ARF4: variants seen among roughly 807,000 people sequenced by gnomAD.
The protein encoded by ARF4 is ARF GTPase 4.
In ARF4, 5 loss-of-function variants were observed where a neutral mutation model predicts 24.3. The observed-to-expected ratio is 0.21, with a 90% confidence interval of 0.11 to 0.43. The LOEUF (loss-of-function observed/expected upper bound fraction) is 0.43, where lower values mean the gene tolerates loss of function less well. Ranked by LOEUF, ARF4 falls within the 20% of genes least tolerant of loss-of-function variation. ARF4 has a pLI of 1.00. For missense variants in ARF4, 107 were observed against 213.0 expected (o/e 0.50, Z 3.10); for synonymous variants, 62 against 73.5 (o/e 0.84, Z 0.80).
rs1020139239 is a variant in ARF4, at chr3:57,571,366, C to G, written c.*846G>C. The G allele has an allele frequency of 1.3e-5, 2 of 152,480 alleles. No homozygotes were observed. The highest frequency in any genetic ancestry group is 2.9e-5 in the Non-Finnish European group (2 of 68,018). The allele number at this position is 152,480 out of a possible 1,614,324, so 9.4% of individuals were successfully genotyped here. A position where few individuals can be genotyped will look rare whatever the true frequency, so the allele number is the denominator to read the frequency against. On this transcript the variant is annotated 3_prime_UTR_variant, in exon 6 of 6. Coordinates refer to ENST00000303436, the MANE Select transcript of ARF4 (RefSeq NM_001660.4). ...AACTCAAAAAGAACACACACAATTACGTATTTTATCATTTTATTAGGAATA... is the reference window on the plus strand; with the variant it reads ...AACTCAAAAAGAACACACACAATTAGGTATTTTATCATTTTATTAGGAATA...
chr3:57,588,404 A>C (rs2070064716), intron 1 of ARF4, among the ~76,000 whole-genome samples: 1 of 152,202 alleles, frequency 6.6e-6, no homozygotes, highest in African/African-American at 2.4e-5. Flanking sequence ...TCTTTAAAGA[A>C]GAAAAAGTAA....
In ARF4 at chr3:57,584,254, C is replaced by T. The variant is rs140177104; in HGVS notation, c.148+130G>A. 7.4e-4 allele frequency: 712 copies of T among 956,634 alleles called. 1 individual carries two copies. Among genetic ancestry groups the T allele is most frequent in the Non-Finnish European group, 5.6e-4 (348 of 623,882 alleles). The allele number at this position is 956,634 out of a possible 1,614,324, so 59.3% of individuals were successfully genotyped here. On this transcript the variant is annotated intron_variant, in intron 2 of 5. Transcript: ENST00000303436. Reference sequence around the variant, plus strand: ...CTGGGATTACAGGCATGAGCCACCACACCCGGCCTGTTTTAAAAGTACTTC... The same window carrying T: ...CTGGGATTACAGGCATGAGCCACCATACCCGGCCTGTTTTAAAAGTACTTC...
At chr3:57,574,787 A>G (rs1433125846) in intron 5 of ARF4, among the ~76,000 whole-genome samples, 1 of 152,078 alleles carries the variant, frequency 6.6e-6, no homozygotes, top group Non-Finnish European at 1.5e-5. Context: ...AGGCTGAGAT[A>G]GTGAGAGGAT....
chr3:57,594,623 T>C (rs2070159501), intron 1 of ARF4, among the ~76,000 whole-genome samples: 1 of 152,248 alleles, frequency 6.6e-6, no homozygotes, highest in Admixed American at 6.5e-5. Flanking sequence ...TTCTCCATAG[T>C]AGTTTGGCAA....
chr3:57,587,334 A>T (rs1199702213), intron 1 of ARF4, among the ~76,000 whole-genome samples: 1 of 151,418 alleles, frequency 6.6e-6, no homozygotes, highest in Non-Finnish European at 1.5e-5. Flanking sequence ...AAAAAAAAAA[A>T]AAAAAAAAGT....
At chr3:57,577,066 AAAC>A (rs1289409051) in intron 4 of ARF4, among the ~76,000 whole-genome samples, 4 of 151,812 alleles carry the variant, frequency 2.6e-5, no homozygotes, top group Non-Finnish European at 4.4e-5. Context: ...AAAAAAAAAA[AAAC>A]AACACTGCTC....
At chr3:57,574,797 T>C (rs1177259398) in intron 5 of ARF4, among the ~76,000 whole-genome samples, 4 of 151,996 alleles carry the variant, frequency 2.6e-5, no homozygotes, top group African/African-American at 4.8e-5. Flanking sequence ...AGTGAGAGGA[T>C]TGCTTGAGTC....
Position 57,587,267 on chromosome 3 carries a change from C to T in ARF4, c.68-2803G>A, listed in dbSNP as rs146215799. Reference sequence around the variant, plus strand: ...CCAGGAGGCGGATGTTGCAGTGAGCCGAGATCGTGCCATTGCACTACAGCC... The same window carrying T: ...CCAGGAGGCGGATGTTGCAGTGAGCTGAGATCGTGCCATTGCACTACAGCC... On this transcript the variant is annotated intron_variant, in intron 1 of 5. Transcript: ENST00000303436. Among the ~76,000 whole-genome samples, 8 of 143,166 alleles carry T rather than the reference C, an allele frequency of 5.6e-5. 1 individual carries two copies. The South Asian group carries it at 8.6e-4, about 15-fold the overall frequency. The allele number at this position is 143,166 out of a possible 152,430, so 93.9% of individuals were successfully genotyped here.
chr3:57,587,661 A>C (rs544097704), intron 1 of ARF4, among the ~76,000 whole-genome samples: 253 of 152,228 alleles, frequency 1.7e-3, no homozygotes, highest in African/African-American at 5.8e-3. Context: ...TGAGGGCTTT[A>C]AATATATAAT....
chr3:57,575,490 C>T (rs1248316346), intron 5 of ARF4, 58 bp downstream of exon 5: 3 of 1,504,976 alleles, frequency 2.0e-6, no homozygotes, highest in Admixed American at 4.3e-5. Flanking sequence ...TTAGCTTACA[C>T]AACTATCCTA....
intron 3 of ARF4, among the ~76,000 whole-genome samples, chr3:57,581,454 CAAG>C (rs2069969614): frequency 1.3e-5 from 2 of 152,164 alleles, no homozygotes; most frequent in African/African-American, 4.8e-5. Context: ...TACCCTTGGT[CAAG>C]AATTATTAGG....
chr3:57,578,865 A>C (rs2069937226), intron 3 of ARF4, among the ~76,000 whole-genome samples: 1 of 151,742 alleles, frequency 6.6e-6, no homozygotes, highest in Non-Finnish European at 1.5e-5. Flanking sequence ...TTCAAATGGG[A>C]AAGTATAGAA....
intron 1 of ARF4, among the ~76,000 whole-genome samples, chr3:57,590,495 A>G (rs1229794614): frequency 6.6e-6 from 1 of 152,224 alleles, no homozygotes; most frequent in African/African-American, 2.4e-5. Context: ...CAAAAAAAGA[A>G]AAAAGTTAGA....
chr3:57,585,921 C>T (rs1485189323), intron 1 of ARF4, among the ~76,000 whole-genome samples: 1 of 152,108 alleles, frequency 6.6e-6, no homozygotes, highest in African/African-American at 2.4e-5. Context: ...CTCAGCCTCT[C>T]AAAGTGCTGT....
rs567351985 is a variant in ARF4 at position 57,596,084 on chromosome 3, T to A, written c.67+990A>T. ...TCTAGTCCATGGAGCTCAGCTGTGA[T>A]GTAGACTGCTTACAGTAACCGGGAG... On this transcript the variant is annotated intron_variant, in intron 1 of 5. Coordinates refer to ENST00000303436, the MANE Select transcript of ARF4 (RefSeq NM_001660.4). Among the ~76,000 whole-genome samples, 90 of 152,340 alleles carry A rather than the reference T, an allele frequency of 5.9e-4. 2 individuals carry two copies. In the South Asian group the frequency reaches 0.018, roughly 30 times the overall value.
chr3:57,575,819 G>T, intron 4 of ARF4, 146 bp from the exon 5 acceptor site: 1 of 877,628 alleles, frequency 1.1e-6, no homozygotes, highest in Non-Finnish European at 1.6e-6. Flanking sequence ...TACAACTGAA[G>T]TCTCATATCC....
intron 1 of ARF4, among the ~76,000 whole-genome samples, chr3:57,595,401 C>T (rs377349951): frequency 2.8e-4 from 42 of 152,320 alleles, no homozygotes; most frequent in African/African-American, 9.6e-4. Context: ...CTTTTTCAGA[C>T]TGCCAACTTT....
At chr3:57,589,738 C>CA (rs1240343290) in intron 1 of ARF4, among the ~76,000 whole-genome samples, 1 of 149,480 alleles carries the variant, frequency 6.7e-6, no homozygotes, top group African/African-American at 2.5e-5. Context: ...ACAAAAAACC[C>CA]AAAAAAACAA....
At chr3:57,593,816 C>T (rs970462701) in intron 1 of ARF4, among the ~76,000 whole-genome samples, 1 of 152,050 alleles carries the variant, frequency 6.6e-6, no homozygotes, top group African/African-American at 2.4e-5. Context: ...TGGGCGGGAT[C>T]GCTTCAGCCC....
Sources: gnomAD v4.1 joint callset for allele counts (sites outside exome capture counted in the v4.1 genomes callset) on GRCh38, gnomAD v4.1.1 for gene constraint, MANE v1.5 for transcripts, NCBI Gene and HGNC (gene_info 2026-07-23, HGNC 2026-07-21) for gene names.